The following ZSCAN23 variants were observed in gnomAD, a reference collection of about 807,000 sequenced individuals.
ZSCAN23 encodes the protein zinc finger and SCAN domain-containing protein 23.
A neutral mutation model predicts 19.3 loss-of-function variants in ZSCAN23; 19 were observed. The ratio of observed to expected loss-of-function variants is 0.99; its 90% CI spans 0.69 to 1.45. ZSCAN23 has a LOEUF of 1.45. Among genes scored for constraint, ZSCAN23 ranks in the 40% most tolerant of loss-of-function variants. ZSCAN23 has a pLI of 0.00. For missense variants in ZSCAN23, 372 were observed against 462.5 expected (o/e 0.80, Z 1.79); for synonymous variants, 140 against 166.2 (o/e 0.84, Z 1.21).
chr6:28,426,880 G>A, the ZSCAN23 span, among the ~76,000 whole-genome samples: 2 of 152,106 alleles, frequency 1.3e-5, no homozygotes, highest in Admixed American at 6.6e-5. Flanking sequence ...GCGCGATCTC[G>A]GCTCACTGCA....
rs978747941 is a variant in ZSCAN23, at chr6:28,435,134, T to C, written c.557-56A>G. On this transcript the variant is annotated intron_variant, in intron 3 of 3. Transcript: ENST00000289788. ...GAAGTATGAAAAATAACAGATTATC[T>C]TTCCAAAGACAAAAGAAAAAAAGTG... 13 of 1,462,926 alleles carry C rather than the reference T, an allele frequency of 8.9e-6. No homozygotes were observed. In the African/African-American group the frequency reaches 1.9e-4, roughly 21 times the overall value. 90.6% of individuals were successfully genotyped at this position (1,462,926 alleles called of 1,614,324 possible).
chr6:28,426,141 T>C, the ZSCAN23 span, among the ~76,000 whole-genome samples: 1 of 152,242 alleles, frequency 6.6e-6, no homozygotes, highest in Non-Finnish European at 1.5e-5. Context: ...TTTTGGTTTC[T>C]TATCACTCAT....
chr6:28,423,633 C>T, the ZSCAN23 span, among the ~76,000 whole-genome samples: 1 of 152,212 alleles, frequency 6.6e-6, no homozygotes. Flanking sequence ...GAACTCCTGA[C>T]CAGAAGCTCC....
At chr6:28,441,967 T>C (rs1485363468) in intron 1 of ZSCAN23, among the ~76,000 whole-genome samples, 3 of 148,762 alleles carry the variant, frequency 2.0e-5, no homozygotes, top group Non-Finnish European at 4.4e-5. Flanking sequence ...AACCTCTGCC[T>C]CCCAGGTTCA....
chr6:28,441,035 T>G (rs1301361835), intron 1 of ZSCAN23, among the ~76,000 whole-genome samples: 1 of 152,166 alleles, frequency 6.6e-6, no homozygotes, highest in African/African-American at 2.4e-5. Flanking sequence ...AGGTATATAA[T>G]TAGCATAATA....
intron 1 of ZSCAN23, among the ~76,000 whole-genome samples, chr6:28,440,600 GCCACTTAT>G (rs969293575): frequency 1.3e-5 from 2 of 152,124 alleles, no homozygotes; most frequent in Admixed American, 1.3e-4. Context: ...GGATGAAACA[GCCACTTAT>G]GCTTTCTTGT....
downstream of ZSCAN23, among the ~76,000 whole-genome samples, chr6:28,428,542 C>T (rs1462752257): frequency 1.3e-5 from 2 of 152,164 alleles, no homozygotes; most frequent in African/African-American, 4.8e-5. Flanking sequence ...TAACACAGTT[C>T]CACTTGGTGC....
At chr6:28,427,743 A>G (rs1761686096), downstream of ZSCAN23, among the ~76,000 whole-genome samples, 1 of 152,174 alleles carries the variant, frequency 6.6e-6, no homozygotes, top group South Asian at 2.1e-4. Flanking sequence ...TCTAATGACT[A>G]TTATTTAGTC....
chr6:28,431,093 T>C (rs576340798), downstream of ZSCAN23, among the ~76,000 whole-genome samples: 3 of 148,398 alleles, frequency 2.0e-5, no homozygotes, highest in South Asian at 6.3e-4. Flanking sequence ...TTGTCTTAAT[T>C]AGGGGCGGGA....
At chr6:28,429,149 A>C (rs986177071), downstream of ZSCAN23, among the ~76,000 whole-genome samples, 2 of 152,034 alleles carry the variant, frequency 1.3e-5, no homozygotes, top group Admixed American at 6.6e-5. Flanking sequence ...CTACTCAGGG[A>C]AGTTATCTTT....
At chr6:28,439,310 A>T (rs1031224978) in intron 1 of ZSCAN23, among the ~76,000 whole-genome samples, 1 of 151,732 alleles carries the variant, frequency 6.6e-6, no homozygotes, top group African/African-American at 2.4e-5. Flanking sequence ...GCTGGTTTCG[A>T]ACTCCTGACC....
At chr6:28,441,067 T>A (rs1329242656) in intron 1 of ZSCAN23, among the ~76,000 whole-genome samples, 1 of 152,204 alleles carries the variant, frequency 6.6e-6, no homozygotes, top group East Asian at 1.9e-4. Context: ...AAAAAATACA[T>A]CTGCATTTTA....
rs759246782 is a variant in ZSCAN23, at chr6:28,434,497, G to A, written c.1138C>T (p.Arg380Trp). Residue 380 changes from arginine to tryptophan, a missense_variant, in exon 4 of 4, where the codon CGG becomes TGG. Arg to Trp is a moderately radical substitution (Grantham distance 101). Transcript: ENST00000289788. ...GATTCAGCCACTGGGTGGACTTTCC[G>A]ATGCTGGATTAGGTTGCAATGGTAA... ...FIYHCNLIQH[R>W]KVHPVAESS 89 of 1,549,244 alleles carry A rather than the reference G, an allele frequency of 5.7e-5. No homozygotes were observed. The highest frequency in any genetic ancestry group is 7.3e-5 in the East Asian group (3 of 40,908).
At chr6:28,426,599 T>C in the ZSCAN23 span, among the ~76,000 whole-genome samples, 1 of 152,236 alleles carries the variant, frequency 6.6e-6, no homozygotes, top group African/African-American at 2.4e-5. Context: ...GAAATACTCA[T>C]TTACCAAAAT....
At position 28,434,320 on chromosome 6, in the gene ZSCAN23, G is replaced by T. The variant is rs938940958; in HGVS notation, c.*145C>A. On this transcript the variant is annotated 3_prime_UTR_variant, in exon 4 of 4. Transcript: ENST00000289788. ...AAAGCTGTGGATGTCACTGATCAGAGAACTCGGCAGATGTATTTAAGATAT... is the reference window on the plus strand; with the variant it reads ...AAAGCTGTGGATGTCACTGATCAGATAACTCGGCAGATGTATTTAAGATAT... 1.1e-6 allele frequency: 1 copy of T among 936,806 alleles called. No homozygotes were observed. Among genetic ancestry groups the T allele is most frequent in the East Asian group, 2.7e-5 (1 of 37,672 alleles). The allele number at this position is 936,806 out of a possible 1,614,324, so 58.0% of individuals were successfully genotyped here.
At chr6:28,427,777 T>C (rs192183204), downstream of ZSCAN23, among the ~76,000 whole-genome samples, 4 of 152,270 alleles carry the variant, frequency 2.6e-5, no homozygotes, top group East Asian at 7.7e-4. Flanking sequence ...TTATTCTGCC[T>C]GTCAAAAATG....
chr6:28,437,596 C>G (rs1761920067), intron 1 of ZSCAN23, among the ~76,000 whole-genome samples: 1 of 151,914 alleles, frequency 6.6e-6, no homozygotes, highest in Non-Finnish European at 1.5e-5. Flanking sequence ...AAAACAAAAA[C>G]AAAAACAAAC....
At chr6:28,441,924 G>A (rs1398739792) in intron 1 of ZSCAN23, among the ~76,000 whole-genome samples, 1 of 147,048 alleles carries the variant, frequency 6.8e-6, no homozygotes, top group Non-Finnish European at 1.5e-5. Flanking sequence ...TTGCCCAGGC[G>A]GGAGTGCAGT....
At position 28,434,670 on chromosome 6, in the gene ZSCAN23, T is replaced by C. The variant is rs539520125; in HGVS notation, c.965A>G (p.His322Arg). 3.9e-5 allele frequency: 62 copies of C among 1,572,818 alleles called. No homozygotes were observed. In the South Asian group the frequency reaches 5.3e-4, roughly 14 times the overall value. The part of the protein sequence containing the change: ...KAFSQNAGLF[H>R]HLRIHTGEKP... ...CTCCCCAGTGTGAATTCTGAGGTGA[T>C]GGAAAAGCCCGGCATTCTGGCTGAA... The change falls in exon 4 of 4, where the codon CAT becomes CGT. Residue 322 changes from histidine to arginine, a missense_variant. Physicochemically the swap from His to Arg is conservative, Grantham distance 29 (BLOSUM62 0). Coordinates refer to ENST00000289788, the MANE Select transcript of ZSCAN23 (RefSeq NM_001012455.2).
Sources: gnomAD v4.1 joint callset for allele counts (sites outside exome capture counted in the v4.1 genomes callset) on GRCh38, gnomAD v4.1.1 for gene constraint, MANE v1.5 for transcripts, NCBI Gene and HGNC (gene_info 2026-07-23, HGNC 2026-07-21) for gene names.